FNBP1: variants seen among roughly 807,000 people sequenced by gnomAD.
FNBP1 encodes the protein formin binding protein 1, also known as formin-binding protein 1.
FNBP1 carries 26 observed loss-of-function variants against 90.6 expected under a neutral mutation model. That is an observed-to-expected ratio of 0.29 (90% CI 0.21 to 0.40). The LOEUF is 0.40. Among genes scored for constraint, FNBP1 ranks in the 10% least tolerant of loss-of-function variants. FNBP1 has a pLI of 1.00. For synonymous variants in FNBP1, 260 were observed against 265.2 expected (o/e 0.98, Z 0.19); for missense variants, 635 against 768.0 (o/e 0.83, Z 2.05).
intron 4 of FNBP1, among the ~76,000 whole-genome samples, chr9:129,963,252 G>T (rs944295763): frequency 2.0e-5 from 3 of 152,060 alleles, no homozygotes; most frequent in Non-Finnish European, 4.4e-5. Context: ...ATGCACAGAA[G>T]CCCAGCAGAC....
chr9:129,911,646 G>A (rs1227568782), intron 11 of FNBP1, among the ~76,000 whole-genome samples: 1 of 152,000 alleles, frequency 6.6e-6, no homozygotes, highest in Non-Finnish European at 1.5e-5. Context: ...ACCAGTAAAT[G>A]TGGTGGCCAG....
intron 12 of FNBP1, among the ~76,000 whole-genome samples, chr9:129,907,792 A>C (rs992941245): frequency 2.0e-5 from 3 of 150,926 alleles, no homozygotes; most frequent in African/African-American, 4.9e-5. Flanking sequence ...GCAGTGGCGC[A>C]ATCTCGGCTC....
intron 1 of FNBP1, among the ~76,000 whole-genome samples, chr9:130,038,965 A>T (rs2059591279): frequency 1.3e-5 from 2 of 152,218 alleles, no homozygotes; most frequent in African/African-American, 2.4e-5. Flanking sequence ...ACACTTCAGT[A>T]ACCTGTCACT....
chr9:129,908,786 C>T (rs190660924), intron 12 of FNBP1, 104 bp downstream of exon 12: 10,046 of 694,642 alleles, frequency 0.014, 182 homozygotes, highest in South Asian at 0.043. Flanking sequence ...CTCTTGACCT[C>T]AGGTGATCCA....
chr9:130,013,142 G>A, intron 1 of FNBP1, among the ~76,000 whole-genome samples: 1 of 151,936 alleles, frequency 6.6e-6, no homozygotes, highest in Non-Finnish European at 1.5e-5. Flanking sequence ...TCCTTCAATT[G>A]TTCTATTTTT....
chr9:130,024,227 T>C (rs2058123526), intron 1 of FNBP1, among the ~76,000 whole-genome samples: 1 of 151,430 alleles, frequency 6.6e-6, no homozygotes, highest in Admixed American at 6.6e-5. Context: ...CTGGGCAACA[T>C]AGTGAGATCC....
intron 4 of FNBP1, among the ~76,000 whole-genome samples, chr9:129,960,143 C>G (rs2047563948): frequency 1.3e-5 from 2 of 151,922 alleles, no homozygotes; most frequent in East Asian, 1.9e-4. Flanking sequence ...CTTTGGGAGG[C>G]AGAGGTGGGC....
At chr9:129,936,392 C>G (rs928808784) in intron 6 of FNBP1, 1 of 152,236 alleles carries the variant, frequency 6.6e-6, no homozygotes, top group African/African-American at 2.4e-5. Context: ...GCAGCAGCTC[C>G]TCCTGACTGG....
At chr9:129,954,596 A>G (rs118126080) in intron 6 of FNBP1, among the ~76,000 whole-genome samples, 50 of 152,326 alleles carry the variant, frequency 3.3e-4, no homozygotes, top group Non-Finnish European at 5.6e-4. Context: ...TAATGAATTA[A>G]AGGAAGCAGA....
chr9:129,971,985 T>C (rs777293879), intron 4 of FNBP1, among the ~76,000 whole-genome samples: 10 of 152,314 alleles, frequency 6.6e-5, no homozygotes, highest in Middle Eastern at 3.4e-3. Flanking sequence ...TGCCGCTGTA[T>C]CAAATGGCCC....
intron 16 of FNBP1, among the ~76,000 whole-genome samples, chr9:129,894,204 A>C (rs897392101): frequency 1.3e-5 from 2 of 152,152 alleles, no homozygotes; most frequent in Non-Finnish European, 2.9e-5. Flanking sequence ...CAACACCTTC[A>C]TTCTGACCCA....
chr9:129,942,320 A>G (rs1476557271), intron 6 of FNBP1, among the ~76,000 whole-genome samples: 1 of 152,230 alleles, frequency 6.6e-6, no homozygotes, highest in Non-Finnish European at 1.5e-5. Context: ...CTTGGTCTGC[A>G]TTACCACACA....
intron 3 of FNBP1, 59 bp downstream of exon 3, chr9:129,979,259 C>T (rs932603693): frequency 5.3e-5 from 51 of 961,344 alleles, no homozygotes; most frequent in Middle Eastern, 2.1e-4. Flanking sequence ...TTCTCCTTTC[C>T]GTGTGTAGTC....
intron 4 of FNBP1, among the ~76,000 whole-genome samples, chr9:129,965,817 G>GAGGAAGGAAGGAAGGAAGGAAGGA (rs1190159718): frequency 8.0e-5 from 8 of 99,470 alleles, no homozygotes; most frequent in African/African-American, 2.0e-4. Context: ...GGGAGGGAGG[G>GAGGAAGGAAGGAAGGAAGGAAGGA]AGGAAGGAAG....
At chr9:129,947,887 G>A (rs2045574928) in intron 6 of FNBP1, among the ~76,000 whole-genome samples, 1 of 151,634 alleles carries the variant, frequency 6.6e-6, no homozygotes, top group Non-Finnish European at 1.5e-5. Flanking sequence ...CTCCCAAAGT[G>A]CTGGGATTTC....
At chr9:129,942,053 A>G (rs2044403933) in intron 6 of FNBP1, among the ~76,000 whole-genome samples, 1 of 151,416 alleles carries the variant, frequency 6.6e-6, no homozygotes, top group South Asian at 2.1e-4. Flanking sequence ...CCTGGGAGAC[A>G]GTGAGACTCT....
In FNBP1 at chr9:129,890,653, G is replaced by C; in HGVS notation, c.1847-107C>G. The stretch of plus-strand genomic sequence containing the variant: ...CTACAAACTGCACCGCCCTGGGAGG[G>C]GAGGGTAGTGGGAGGGGAGGGATGG... On this transcript the variant is annotated intron_variant, in intron 16 of 16. Coordinates refer to ENST00000446176, the MANE Select transcript of FNBP1 (RefSeq NM_015033.3). This position sits in a 1 kb window ranked among gnomAD's most constrained non-coding sequence, Gnocchi z 5.8. 1 of 795,418 alleles carries C rather than the reference G, an allele frequency of 1.3e-6. No individual in the cohort carries two copies. The allele number at this position is 795,418 out of a possible 1,614,324, so 49.3% of individuals were successfully genotyped here. A position where few individuals can be genotyped will look rare whatever the true frequency, so the allele number is the denominator to read the frequency against.
At chr9:129,919,262 G>A in intron 10 of FNBP1, 1 of 1,212,362 alleles carries the variant, frequency 8.2e-7, no homozygotes, top group Non-Finnish European at 1.1e-6. Flanking sequence ...ACCAGCAAGA[G>A]AACAAGATAA....
At chr9:129,916,270 C>T in intron 10 of FNBP1, 1 of 377,174 alleles carries the variant, frequency 2.7e-6, no homozygotes, top group Non-Finnish European at 4.8e-6. Flanking sequence ...GCCACCTCAG[C>T]CTAGATGTAA....
Sources: gnomAD v4.1 joint callset for allele counts (sites outside exome capture counted in the v4.1 genomes callset) on GRCh38, gnomAD v4.1.1 for gene constraint, Gnocchi (gnomAD v3.1) non-coding constraint, MANE v1.5 for transcripts, NCBI Gene and HGNC (gene_info 2026-07-23, HGNC 2026-07-21) for gene names.